The following SC5D variants were observed in gnomAD, a reference collection of about 807,000 sequenced individuals.
The protein encoded by SC5D is sterol-C5-desaturase.
In SC5D, 21 loss-of-function variants were observed where a neutral mutation model predicts 23.9. That is an observed-to-expected ratio of 0.88 (90% CI 0.62 to 1.26). SC5D has a LOEUF of 1.26. Ranked by LOEUF, SC5D falls within the 50% of genes most tolerant of loss-of-function variation. The pLI is 0.00. For missense variants in SC5D, 309 were observed against 364.8 expected (o/e 0.85, Z 1.25); for synonymous variants, 113 against 125.9 (o/e 0.90, Z 0.68).
Position 121,307,426 on chromosome 11 carries a change from A to G in SC5D, c.814A>G (p.Met272Val), listed in dbSNP as rs1320403076. ...GKGPLSYVKE[M>V]TEGKRSSHSG... ...GGGACCGCTCAGTTATGTGAAGGAG[A>G]TGACAGAGGGAAAGCGCAGCAGCCA... Residue 272 changes from methionine (M) to valine (V), a missense_variant, in exon 5 of 5, where the codon ATG becomes GTG. Physicochemically the swap from Met to Val is conservative, Grantham distance 21. Transcript: ENST00000264027. 3.8e-5 allele frequency: 61 copies of G among 1,611,546 alleles called. No individual in the cohort carries two copies. The highest frequency in any genetic ancestry group is 1.6e-4 in the Middle Eastern group (1 of 6,074).
rs912319897 is a variant in SC5D at position 121,308,497 on chromosome 11, A to G, written c.*985A>G. On this transcript the variant is annotated 3_prime_UTR_variant, in exon 5 of 5. Transcript: ENST00000264027. Reference sequence around the variant, plus strand: ...TCCTCTTCTCCCCTCACTTTTCCCTACTTCCTCTGCAAAAAGATTTAACAA... The same window carrying G: ...TCCTCTTCTCCCCTCACTTTTCCCTGCTTCCTCTGCAAAAAGATTTAACAA... The G allele has an allele frequency of 1.3e-5, 2 of 152,340 alleles. No individual in the cohort carries two copies. Among genetic ancestry groups the G allele is most frequent in the Non-Finnish European group, 2.9e-5 (2 of 68,026 alleles). 9.4% of individuals were successfully genotyped at this position (152,340 alleles called of 1,614,324 possible). A position where few individuals can be genotyped will look rare whatever the true frequency, so the allele number is the denominator to read the frequency against.
Position 121,308,479 on chromosome 11 carries a change from C to T in SC5D, c.*967C>T, listed in dbSNP as rs558389163. 52 of 152,468 alleles carry T rather than the reference C, an allele frequency of 3.4e-4. No individual in the cohort carries two copies. Among genetic ancestry groups the T allele is most frequent in the African/African-American group, 1.2e-3 (51 of 41,590 alleles). The allele number at this position is 152,468 out of a possible 1,614,324, so 9.4% of individuals were successfully genotyped here. ...GTTCTAAAATCTTATTCCTCCTCTT[C>T]TCCCCTCACTTTTCCCTACTTCCTC... is the stretch of plus-strand genomic sequence containing the variant. On this transcript the variant is annotated 3_prime_UTR_variant, in exon 5 of 5. Transcript: ENST00000264027.
chr11:121,296,197 T>G (rs1393512128), intron 1 of SC5D, among the ~76,000 whole-genome samples: 2 of 152,128 alleles, frequency 1.3e-5, no homozygotes, highest in Non-Finnish European at 2.9e-5. Flanking sequence ...ATGGAATGGT[T>G]TTTATGAAAT....
Position 121,309,504 on chromosome 11 carries a change from A to T in SC5D, c.*1992A>T, listed in dbSNP as rs1463640290. On this transcript the variant is annotated 3_prime_UTR_variant, in exon 5 of 5. Coordinates refer to ENST00000264027, the MANE Select transcript of SC5D (RefSeq NM_006918.5). ...TCCTCTTGTTGATGTTGAAATGGTG[A>T]ATGAGCCATAAAGTATTTCAGGTTA... Among the ~76,000 whole-genome samples the T allele has an allele frequency of 6.6e-6, 1 of 152,140 alleles. No individual in the cohort carries two copies. The highest frequency in any genetic ancestry group is 1.5e-5 in the Non-Finnish European group (1 of 68,020).
At chr11:121,300,016 A>G (rs1565567691) in intron 1 of SC5D, among the ~76,000 whole-genome samples, 1 of 152,250 alleles carries the variant, frequency 6.6e-6, no homozygotes, top group Non-Finnish European at 1.5e-5. Flanking sequence ...CCGAAATAAC[A>G]TCTGATGCCA....
Position 121,313,046 on chromosome 11 carries a change from C to G in SC5D, c.*5534C>G, listed in dbSNP as rs768733065. On this transcript the variant is annotated 3_prime_UTR_variant, in exon 5 of 5. Transcript: ENST00000264027. ...ATGAACGTGTACACCCATGTAACCA[C>G]CACCCCCAATCAAAGTAAAGAACAT... Among the ~76,000 whole-genome samples, 10 of 152,116 alleles carry G rather than the reference C, an allele frequency of 6.6e-5. No individual in the cohort carries two copies. The highest frequency in any genetic ancestry group is 1.2e-4 in the Non-Finnish European group (8 of 68,010).
At chr11:121,294,069 C>A (rs955164064) in intron 1 of SC5D, among the ~76,000 whole-genome samples, 14 of 152,188 alleles carry the variant, frequency 9.2e-5, no homozygotes, top group Non-Finnish European at 4.4e-5. Context: ...TATTAGCTAT[C>A]ATTTTCTATA....
chr11:121,293,287 T>G (rs1226748329), intron 1 of SC5D, among the ~76,000 whole-genome samples: 2 of 152,230 alleles, frequency 1.3e-5, no homozygotes, highest in Non-Finnish European at 2.9e-5. Context: ...GTTGCAGATC[T>G]CTTACTCAAG....
At chr11:121,298,096 T>C (rs1010340452) in intron 1 of SC5D, among the ~76,000 whole-genome samples, 1 of 152,108 alleles carries the variant, frequency 6.6e-6, no homozygotes, top group Non-Finnish European at 1.5e-5. Context: ...TTGAACTCCT[T>C]AAGCAATCCT....
chr11:121,313,351 TTG>T lies in SC5D; in HGVS notation c.*5843_*5844del, dbSNP rs757748538. Among the ~76,000 whole-genome samples, 4 of 152,224 alleles carry T rather than the reference TTG, an allele frequency of 2.6e-5. No individual in the cohort carries two copies. The highest frequency in any genetic ancestry group is 4.4e-5 in the Non-Finnish European group (3 of 68,026). On this transcript the variant is annotated 3_prime_UTR_variant, in exon 5 of 5. Transcript: ENST00000264027. ...GGTTTATGTATTTGCTGATGAATATTTGTGTTATTTCCAGCGTGGGATTATTA... is the reference window on the plus strand; with the variant it reads ...GGTTTATGTATTTGCTGATGAATATTTGTTATTTCCAGCGTGGGATTATTA...
At chr11:121,297,223 G>C (rs749631597) in intron 1 of SC5D, among the ~76,000 whole-genome samples, 1 of 152,108 alleles carries the variant, frequency 6.6e-6, no homozygotes, top group Non-Finnish European at 1.5e-5. Flanking sequence ...TAACTCTTTC[G>C]CTCAGCTCTT....
At chr11:121,302,220 C>A (rs1467336661) in intron 1 of SC5D, among the ~76,000 whole-genome samples, 2 of 152,124 alleles carry the variant, frequency 1.3e-5, no homozygotes, top group African/African-American at 4.8e-5. Flanking sequence ...ATTAACGTGG[C>A]CCAATATGTA....
chr11:121,297,114 G>A (rs937166419), intron 1 of SC5D, among the ~76,000 whole-genome samples: 2 of 152,238 alleles, frequency 1.3e-5, no homozygotes, highest in African/African-American at 4.8e-5. Flanking sequence ...AGATTGCAGA[G>A]AAATAGGTAA....
chr11:121,293,442 G>A (rs1947866263), intron 1 of SC5D, among the ~76,000 whole-genome samples: 1 of 152,182 alleles, frequency 6.6e-6, no homozygotes, highest in South Asian at 2.1e-4. Flanking sequence ...CTGTTGCTGC[G>A]GCGTAATTAG....
chr11:121,292,962 T>C (rs1947861977), intron 1 of SC5D, 146 bp downstream of exon 1: 1 of 152,368 alleles, frequency 6.6e-6, no homozygotes, highest in African/African-American at 2.4e-5. Context: ...GCACGGCTTT[T>C]CTCCGCGCCG....
intron 3 of SC5D, chr11:121,305,821 A>G (rs1049595600): frequency 1.9e-5 from 3 of 154,620 alleles, no homozygotes; most frequent in Non-Finnish European, 2.9e-5. Context: ...TATGAGTTAA[A>G]ATAAAGGGAG....
chr11:121,301,818 A>G (rs953969967), intron 1 of SC5D, among the ~76,000 whole-genome samples: 7 of 152,148 alleles, frequency 4.6e-5, no homozygotes, highest in Non-Finnish European at 1.0e-4. Flanking sequence ...TTATGTAGGG[A>G]TGGAAAGATC....
Position 121,307,893 on chromosome 11 carries a change from TA to T in SC5D, c.*383del, listed in dbSNP as rs1947979918. The T allele has an allele frequency of 5.7e-6, 1 of 174,930 alleles. No homozygotes were observed. Among genetic ancestry groups the T allele is most frequent in the African/African-American group, 2.4e-5 (1 of 41,770 alleles). 10.8% of individuals were successfully genotyped at this position (174,930 alleles called of 1,614,324 possible). ...GTTTATTAAGAATCATTGTGCTTAA[TA>T]ATACCAAGACTAAGCACCATAACCA... On this transcript the variant is annotated 3_prime_UTR_variant, in exon 5 of 5. Transcript: ENST00000264027.
At chr11:121,296,179 G>C (rs542775324) in intron 1 of SC5D, among the ~76,000 whole-genome samples, 1 of 152,238 alleles carries the variant, frequency 6.6e-6, no homozygotes, top group African/African-American at 2.4e-5. Context: ...TAGTAGTCCA[G>C]ATTTCTAATG....
Sources: allele counts gnomAD v4.1 joint callset (sites outside exome capture counted in the v4.1 genomes callset), GRCh38; gene constraint gnomAD v4.1.1; transcripts MANE v1.5; gene names NCBI Gene and HGNC (gene_info 2026-07-23, HGNC 2026-07-21).